ABCB5: variants seen among roughly 807,000 people sequenced by gnomAD.
ABCB5 encodes ATP binding cassette subfamily B member 5.
ABCB5 carries 155 observed loss-of-function variants against 144.2 expected under a neutral mutation model. That is an observed-to-expected ratio of 1.08 (90% CI 0.94 to 1.23). ABCB5 has a LOEUF of 1.23. ABCB5 is among the 50% of genes most tolerant of loss of function. ABCB5 has a pLI of 0.00. For synonymous variants in ABCB5, 610 were observed against 528.6 expected, an observed-to-expected ratio of 1.15 and a Z score of -2.11; for missense variants, 1,830 against 1,520.8, an observed-to-expected ratio of 1.20 and a Z score of -3.38.
intron 1 of ABCB5, among the ~76,000 whole-genome samples, chr7:20,620,578 G>A (rs532513530): frequency 2.6e-5 from 4 of 151,754 alleles, no homozygotes; most frequent in African/African-American, 4.8e-5. Flanking sequence ...TTTAAAATGG[G>A]CAACAGATTT....
At chr7:20,706,164 A>G (rs1786816009) in intron 20 of ABCB5, among the ~76,000 whole-genome samples, 2 of 152,184 alleles carry the variant, frequency 1.3e-5, no homozygotes, top group Non-Finnish European at 2.9e-5. Context: ...TCCGTAGCAC[A>G]ATATAATTAT....
intron 14 of ABCB5, among the ~76,000 whole-genome samples, chr7:20,664,872 G>A (rs966023368): frequency 2.6e-5 from 4 of 152,268 alleles, no homozygotes; most frequent in African/African-American, 4.8e-5. Flanking sequence ...GGAGAATCAC[G>A]TGAGACCAGG....
In ABCB5 at chr7:20,643,454, G is replaced by A. The variant is rs751342832; in HGVS notation, c.507-7G>A. 5.6e-6 allele frequency: 9 copies of A among 1,613,936 alleles called. No individual in the cohort carries two copies. Among genetic ancestry groups the A allele is most frequent in the Non-Finnish European group, 7.6e-6 (9 of 1,179,824 alleles). On this transcript the variant is annotated splice_region_variant and splice_polypyrimidine_tract_variant and intron_variant, in intron 6 of 27. Transcript: ENST00000404938. ...ATGACCTAACTACATTTATTTGCTT[G>A]TTTCAGTGACATTGACAAAATCAGT...
At chr7:20,732,082 G>C (rs745697637) in intron 23 of ABCB5, among the ~76,000 whole-genome samples, 20 of 152,170 alleles carry the variant, frequency 1.3e-4, no homozygotes, top group Non-Finnish European at 2.5e-4. Flanking sequence ...CTGCTGCGTT[G>C]CTTTCCAATT....
intron 13 of ABCB5, among the ~76,000 whole-genome samples, chr7:20,656,061 TGG>T (rs1325338354): frequency 6.6e-6 from 1 of 151,616 alleles, no homozygotes; most frequent in Non-Finnish European, 1.5e-5. Flanking sequence ...TTTCAACAAA[TGG>T]TGCTGGAACA....
chr7:20,645,009 T>C (rs1407814860), intron 7 of ABCB5, among the ~76,000 whole-genome samples: 2 of 152,124 alleles, frequency 1.3e-5, no homozygotes, highest in African/African-American at 2.4e-5. Context: ...GAGAAGTAAA[T>C]GAGGAGTTGT....
Position 20,687,979 on chromosome 7 carries a change from G to A in ABCB5, c.2010+2143G>A, listed in dbSNP as rs1249284713. Among the ~76,000 whole-genome samples the A allele has an allele frequency of 2.0e-5, 3 of 152,088 alleles. No individual in the cohort carries two copies. In the South Asian group the frequency reaches 6.2e-4, roughly 32 times the overall value. On this transcript the variant is annotated intron_variant, in intron 16 of 27. Transcript: ENST00000404938. ...GGCTGAGGTGGGTAGATCACTCGAG[G>A]TCAGGAGTTCAACACCAGCCTGACC...
chr7:20,723,542 T>A (rs1314616823), intron 21 of ABCB5, among the ~76,000 whole-genome samples: 1 of 152,260 alleles, frequency 6.6e-6, no homozygotes, highest in African/African-American at 2.4e-5. Context: ...AGGTTTCTCA[T>A]CTGCAAAGTG....
chr7:20,685,825 C>A lies in ABCB5; in HGVS notation c.1999C>A (p.Gln667Lys). ...DFIDKAEEST[Q>K]SKEISLPEVS... Reference sequence around the variant, plus strand: ...CATTGACAAGGCTGAGGAATCCACCCAATCTAAAGAGGTAATGGCTCAGCG... The same window carrying A: ...CATTGACAAGGCTGAGGAATCCACCAAATCTAAAGAGGTAATGGCTCAGCG... The change falls in exon 16 of 28, where the codon CAA (glutamine) becomes AAA (lysine). Residue 667 changes from glutamine to lysine, a missense_variant. Transcript: ENST00000404938. 1.2e-6 allele frequency: 2 copies of A among 1,608,024 alleles called. No individual in the cohort carries two copies. Among genetic ancestry groups the A allele is most frequent in the Non-Finnish European group, 1.7e-6 (2 of 1,178,150 alleles).
chr7:20,648,586 A>C (rs1376716895), intron 11 of ABCB5, among the ~76,000 whole-genome samples: 1 of 152,154 alleles, frequency 6.6e-6, no homozygotes, highest in Non-Finnish European at 1.5e-5. Flanking sequence ...TCTTGTGAAA[A>C]TGTGTGTCTT....
intron 23 of ABCB5, among the ~76,000 whole-genome samples, chr7:20,738,036 A>T (rs955978611): frequency 6.6e-6 from 1 of 152,168 alleles, no homozygotes; most frequent in Non-Finnish European, 1.5e-5. Context: ...CTACCCTTTG[A>T]TAGGCCCCAT....
At chr7:20,647,346 G>A in intron 9 of ABCB5, 189 bp from the exon 10 acceptor site, 2 of 1,339,402 alleles carry the variant, frequency 1.5e-6, no homozygotes, top group Non-Finnish European at 1.9e-6. Context: ...TGTTTCTATT[G>A]CTTCTCGGCC....
At chr7:20,704,075 C>CTTTT (rs71020669) in intron 19 of ABCB5, among the ~76,000 whole-genome samples, 3 of 80,762 alleles carry the variant, frequency 3.7e-5, no homozygotes, top group Admixed American at 2.0e-4. Context: ...TATTGCCTTC[C>CTTTT]TTTTTTTTTT....
chr7:20,620,271 C>A (rs963048575), intron 1 of ABCB5, among the ~76,000 whole-genome samples: 5 of 151,962 alleles, frequency 3.3e-5, no homozygotes, highest in South Asian at 2.1e-4. Flanking sequence ...GGTTAAAGAC[C>A]TAATCATAAG....
chr7:20,746,253 AC>A (rs1326158301), intron 26 of ABCB5, among the ~76,000 whole-genome samples: 1 of 151,796 alleles, frequency 6.6e-6, no homozygotes, highest in Non-Finnish European at 1.5e-5. Context: ...ATGTGCCATC[AC>A]GCCCGGCTAA....
At chr7:20,691,697 G>C (rs557708443) in intron 16 of ABCB5, among the ~76,000 whole-genome samples, 1 of 152,096 alleles carries the variant, frequency 6.6e-6, no homozygotes, top group East Asian at 1.9e-4. Flanking sequence ...TATTGCCTCA[G>C]AGGGGAAGAT....
At chr7:20,700,226 T>C in intron 19 of ABCB5, 91 bp downstream of exon 19, 2 of 1,127,724 alleles carry the variant, frequency 1.8e-6, no homozygotes, top group South Asian at 3.4e-5. Context: ...ATTTTTGACA[T>C]AATCTTTCTT....
chr7:20,752,895 C>T (rs1440688074), intron 26 of ABCB5, among the ~76,000 whole-genome samples: 1 of 152,120 alleles, frequency 6.6e-6, no homozygotes, highest in Admixed American at 6.5e-5. Context: ...ATGCATGTAC[C>T]ACTGAGACTC....
chr7:20,619,121 T>C (rs1783754651), intron 1 of ABCB5, among the ~76,000 whole-genome samples: 1 of 152,166 alleles, frequency 6.6e-6, no homozygotes, highest in African/African-American at 2.4e-5. Flanking sequence ...GGCACCCAGG[T>C]TGCTTCCATG....
Sources: allele counts gnomAD v4.1 joint callset (sites outside exome capture counted in the v4.1 genomes callset), GRCh38; gene constraint gnomAD v4.1.1; transcripts MANE v1.5; gene names NCBI Gene and HGNC (gene_info 2026-07-23, HGNC 2026-07-21).